The following ABCA1 variants were observed in gnomAD, a reference collection of about 807,000 sequenced individuals.
ABCA1 encodes the protein ATP binding cassette subfamily A member 1.
A neutral mutation model predicts 262.5 loss-of-function variants in ABCA1; 133 were observed. The ratio of observed to expected loss-of-function variants is 0.51; its 90% CI spans 0.44 to 0.59. The LOEUF (loss-of-function observed/expected upper bound fraction) is 0.59. Ranked by LOEUF, ABCA1 falls within the 20% of genes least tolerant of loss-of-function variation. The pLI is 0.00. For synonymous variants in ABCA1, 1,022 were observed against 1,043.5 expected, an observed-to-expected ratio of 0.98 and a Z score of 0.40; for missense variants, 2,452 against 2,777.5, an observed-to-expected ratio of 0.88 and a Z score of 2.63.
At chr9:104,850,173 G>C (rs1835253795) in intron 7 of ABCA1, among the ~76,000 whole-genome samples, 1 of 152,116 alleles carries the variant, frequency 6.6e-6, no homozygotes, top group Non-Finnish European at 1.5e-5. Context: ...CCAGGCTAGA[G>C]TGCAGTGGTG....
chr9:104,871,865 GA>G (rs1020066586), intron 5 of ABCA1, among the ~76,000 whole-genome samples: 1 of 152,024 alleles, frequency 6.6e-6, no homozygotes, highest in Non-Finnish European at 1.5e-5. Context: ...GTCTCTCACT[GA>G]AAAAAGGGAC....
intron 2 of ABCA1, among the ~76,000 whole-genome samples, chr9:104,892,924 A>G (rs111563772): frequency 6.6e-6 from 1 of 152,246 alleles, no homozygotes; most frequent in African/African-American, 2.4e-5. Flanking sequence ...ATTATGGTAC[A>G]TGTACTCAAC....
At position 104,798,322 on chromosome 9, in the gene ABCA1, G is replaced by T. The variant is rs958747824; in HGVS notation, c.5121+99C>A. 1.8e-5 allele frequency: 25 copies of T among 1,408,374 alleles called. No individual in the cohort carries two copies. In the African/African-American group the frequency reaches 2.8e-4, roughly 16 times the overall value. 87.2% of individuals were successfully genotyped at this position (1,408,374 alleles called of 1,614,324 possible). ...TTTTCATACATCTTTAGAGTAGCTG[G>T]AACATTTCCTGATGATAGCCAGAGC... On this transcript the variant is annotated intron_variant, in intron 37 of 49. Coordinates refer to ENST00000374736, the MANE Select transcript of ABCA1 (RefSeq NM_005502.4).
chr9:104,859,233 G>A (rs569959311), intron 6 of ABCA1, among the ~76,000 whole-genome samples: 1 of 152,204 alleles, frequency 6.6e-6, no homozygotes, highest in African/African-American at 2.4e-5. Flanking sequence ...CTAGAGCAGA[G>A]TGCCAGAAAG....
chr9:104,897,926 T>C (rs1258041251), intron 2 of ABCA1, among the ~76,000 whole-genome samples: 9 of 152,164 alleles, frequency 5.9e-5, no homozygotes, highest in Non-Finnish European at 1.0e-4. Flanking sequence ...CAATACTCTC[T>C]TCATCTGTGA....
chr9:104,820,414 C>G (rs1376331199), intron 20 of ABCA1, among the ~76,000 whole-genome samples: 1 of 152,070 alleles, frequency 6.6e-6, no homozygotes, highest in Non-Finnish European at 1.5e-5. Context: ...GAAGTCAGCT[C>G]GGCACTCACC....
chr9:104,840,645 C>T (rs1015346454), intron 8 of ABCA1, 126 bp from the exon 9 acceptor site: 7 of 1,016,790 alleles, frequency 6.9e-6, no homozygotes, highest in East Asian at 2.6e-5. Context: ...TGTCCCAGAA[C>T]ATATTTTGTC....
intron 3 of ABCA1, among the ~76,000 whole-genome samples, chr9:104,886,887 G>A (rs772812133): frequency 2.0e-5 from 3 of 152,174 alleles, no homozygotes; most frequent in Non-Finnish European, 4.4e-5. Context: ...TGTTCCTAGG[G>A]ACAAGACACC....
At chr9:104,870,593 T>C (rs1210095848) in intron 5 of ABCA1, among the ~76,000 whole-genome samples, 1 of 152,162 alleles carries the variant, frequency 6.6e-6, no homozygotes, top group Non-Finnish European at 1.5e-5. Flanking sequence ...GCAGGGCCTT[T>C]AAGGGGTGAT....
intron 9 of ABCA1, among the ~76,000 whole-genome samples, chr9:104,839,640 CTTTT>C (rs967235237): frequency 3.5e-4 from 52 of 146,658 alleles, no homozygotes; most frequent in Non-Finnish European, 5.2e-4. Flanking sequence ...GCTTTTCTAG[CTTTT>C]TTGAGTTACA....
At chr9:104,915,241 GA>G (rs1402932182) in intron 1 of ABCA1, among the ~76,000 whole-genome samples, 1 of 152,186 alleles carries the variant, frequency 6.6e-6, no homozygotes, top group African/African-American at 2.4e-5. Flanking sequence ...GCCAGCTCTT[GA>G]GACAGTCATA....
In ABCA1 at chr9:104,794,004, G is replaced by A. The variant is rs184222258; in HGVS notation, c.5506+383C>T. Among the ~76,000 whole-genome samples, 12 of 152,234 alleles carry A rather than the reference G, an allele frequency of 7.9e-5. No individual in the cohort carries two copies. In the South Asian group the frequency reaches 1.7e-3, roughly 21 times the overall value. On this transcript the variant is annotated intron_variant, in intron 40 of 49. Coordinates refer to ENST00000374736, the MANE Select transcript of ABCA1 (RefSeq NM_005502.4). ...GACCTCATCTGCAGGCACATGATTC[G>A]CCTAAAAGAGCCAAAGTTTGCATCT...
chr9:104,795,926 G>A, intron 39 of ABCA1, 127 bp downstream of exon 39: 1 of 1,348,450 alleles, frequency 7.4e-7, no homozygotes, highest in Non-Finnish European at 1.1e-6. Context: ...GACAGACTCT[G>A]AAGACAGGAC....
intron 37 of ABCA1, among the ~76,000 whole-genome samples, chr9:104,797,938 C>T (rs545840330): frequency 1.2e-3 from 177 of 152,178 alleles, no homozygotes; most frequent in African/African-American, 4.0e-3. Context: ...CTTCAAATCC[C>T]CCATATTGGT....
chr9:104,807,830 T>A (rs1189311803), intron 30 of ABCA1, among the ~76,000 whole-genome samples: 1 of 106,970 alleles, frequency 9.3e-6, no homozygotes, highest in African/African-American at 3.5e-5. Flanking sequence ...AATAAATAAA[T>A]AAAATATATA....
intron 1 of ABCA1, among the ~76,000 whole-genome samples, chr9:104,907,297 C>T (rs981011081): frequency 6.6e-6 from 1 of 152,188 alleles, no homozygotes; most frequent in African/African-American, 2.4e-5. Flanking sequence ...TCTTCAATGT[C>T]CTTTCCTGAT....
At chr9:104,794,350 C>T in intron 40 of ABCA1, 37 bp downstream of exon 40, 1 of 1,613,802 alleles carries the variant, frequency 6.2e-7, no homozygotes, top group Non-Finnish European at 8.5e-7. Flanking sequence ...AGAGTGCCAT[C>T]TCCATTAAAG....
chr9:104,876,943 C>G (rs1375873773), intron 5 of ABCA1, among the ~76,000 whole-genome samples: 1 of 152,204 alleles, frequency 6.6e-6, no homozygotes, highest in Non-Finnish European at 1.5e-5. Context: ...CTTTTTAAAA[C>G]AAGATAGTAT....
At chr9:104,904,078 C>G (rs1840890008) in intron 1 of ABCA1, among the ~76,000 whole-genome samples, 1 of 152,118 alleles carries the variant, frequency 6.6e-6, no homozygotes, top group Non-Finnish European at 1.5e-5. Context: ...CTCAGGTGGC[C>G]AAAAACACTG....
Sources: allele counts gnomAD v4.1 joint callset (sites outside exome capture counted in the v4.1 genomes callset), GRCh38; gene constraint gnomAD v4.1.1; transcripts MANE v1.5; gene names NCBI Gene and HGNC (gene_info 2026-07-23, HGNC 2026-07-21).